The following CDH18 variants were observed in gnomAD, a reference collection of about 807,000 sequenced individuals.
CDH18 encodes cadherin-18.
Under a neutral mutation model 67.9 loss-of-function variants are expected in CDH18, and 31 were observed. That is an observed-to-expected ratio of 0.46 (90% CI 0.34 to 0.62). CDH18 has a LOEUF of 0.62. Among genes scored for constraint, CDH18 ranks in the 20% least tolerant of loss-of-function variants. The pLI is 0.01. For synonymous variants in CDH18, 362 were observed against 347.2 expected (o/e 1.04, Z -0.48); for missense variants, 890 against 975.5 (o/e 0.91, Z 1.17).
intron 3 of CDH18, among the ~76,000 whole-genome samples, chr5:19,827,352 A>G (rs1780518112): frequency 6.6e-6 from 1 of 151,636 alleles, no homozygotes; most frequent in African/African-American, 2.4e-5. Context: ...AACTTAAAAT[A>G]TTTGGGACCC....
At chr5:19,658,220 T>A (rs1463781011) in intron 5 of CDH18, among the ~76,000 whole-genome samples, 1 of 152,086 alleles carries the variant, frequency 6.6e-6, no homozygotes, top group Non-Finnish European at 1.5e-5. Context: ...ATATGTAACA[T>A]AAGAGCTAAA....
intron 1 of CDH18, among the ~76,000 whole-genome samples, chr5:20,328,572 A>G (rs538823016): frequency 1.3e-5 from 2 of 152,004 alleles, no homozygotes; most frequent in Non-Finnish European, 2.9e-5. Flanking sequence ...CTTTTAATAA[A>G]TTTAAAATAT....
chr5:19,477,238 G>A (rs1293076471), intron 12 of CDH18, among the ~76,000 whole-genome samples: 1 of 151,284 alleles, frequency 6.6e-6, no homozygotes, highest in Non-Finnish European at 1.5e-5. Flanking sequence ...GGCAAATGCA[G>A]ACATAGGATC....
intron 3 of CDH18, among the ~76,000 whole-genome samples, chr5:19,829,235 T>C (rs368592577): frequency 3.3e-5 from 5 of 152,098 alleles, no homozygotes; most frequent in East Asian, 3.9e-4. Flanking sequence ...GAGAAAGAAA[T>C]AAAAACCATC....
intron 1 of CDH18, among the ~76,000 whole-genome samples, chr5:20,510,935 T>C (rs1428568304): frequency 6.6e-6 from 1 of 152,190 alleles, no homozygotes; most frequent in African/African-American, 2.4e-5. Flanking sequence ...ATGTTGCCGA[T>C]AAATATGAGT....
chr5:20,231,563 G>C (rs1353897518), intron 2 of CDH18, among the ~76,000 whole-genome samples: 1 of 151,212 alleles, frequency 6.6e-6, no homozygotes, highest in Admixed American at 6.6e-5. Flanking sequence ...CGCACCATTG[G>C]CACTCCAGCC....
chr5:19,842,756 G>C (rs1782480562), intron 2 of CDH18, among the ~76,000 whole-genome samples: 1 of 152,102 alleles, frequency 6.6e-6, no homozygotes, highest in Non-Finnish European at 1.5e-5. Context: ...GGGAAAATTT[G>C]GAACTTCCTA....
intron 1 of CDH18, among the ~76,000 whole-genome samples, chr5:20,537,194 T>C (rs1252301548): frequency 6.6e-6 from 1 of 152,188 alleles, no homozygotes; most frequent in Non-Finnish European, 1.5e-5. Context: ...CATGCACATA[T>C]TTCCTGTTTA....
At chr5:19,484,945 C>T (rs1263333935) in intron 11 of CDH18, among the ~76,000 whole-genome samples, 1 of 152,034 alleles carries the variant, frequency 6.6e-6, no homozygotes, top group Non-Finnish European at 1.5e-5. Context: ...ACAATTAGGG[C>T]CTCTTTTTCT....
At chr5:19,980,619 C>A (rs1798939296) in intron 2 of CDH18, among the ~76,000 whole-genome samples, 1 of 152,132 alleles carries the variant, frequency 6.6e-6, no homozygotes, top group African/African-American at 2.4e-5. Flanking sequence ...CAGTTTCTCC[C>A]CATCTTTTGA....
chr5:19,822,713 C>T (rs144395904), intron 3 of CDH18, among the ~76,000 whole-genome samples: 96 of 152,140 alleles, frequency 6.3e-4, no homozygotes, highest in Non-Finnish European at 1.1e-3. Flanking sequence ...GGAGGCAGGG[C>T]GAGATCACAG....
At chr5:20,254,600 G>A (rs970515509) in intron 2 of CDH18, among the ~76,000 whole-genome samples, 1 of 152,158 alleles carries the variant, frequency 6.6e-6, no homozygotes, top group Non-Finnish European at 1.5e-5. Flanking sequence ...GAATGACACT[G>A]GCTACCACAC....
chr5:19,933,239 CCACCTACTTA>C (rs1793898133), intron 2 of CDH18, among the ~76,000 whole-genome samples: 1 of 151,408 alleles, frequency 6.6e-6, no homozygotes, highest in African/African-American at 2.4e-5. Flanking sequence ...CCACATTTGC[CCACCTACTTA>C]CACCTCCTCT....
chr5:20,556,033 T>G (rs978228335), intron 1 of CDH18, among the ~76,000 whole-genome samples: 1 of 152,208 alleles, frequency 6.6e-6, no homozygotes, highest in Non-Finnish European at 1.5e-5. Flanking sequence ...CTCTTTTGTT[T>G]CCTTTACATT....
chr5:19,570,918 T>A (rs1741274961), intron 8 of CDH18, among the ~76,000 whole-genome samples: 1 of 152,204 alleles, frequency 6.6e-6, no homozygotes, highest in African/African-American at 2.4e-5. Flanking sequence ...AGATTCCACA[T>A]GACTGAATGA....
chr5:20,525,633 C>G lies in CDH18; in HGVS notation c.-580+49829G>C, dbSNP rs577970253. On this transcript the variant is annotated intron_variant, in intron 1 of 14. Transcript: ENST00000507958. ...ATATATGACTCTTTAAATTAATTGA[C>G]CCTACTAAACTTAAATTGGTCATTT... 3.3e-4 allele frequency among the ~76,000 whole-genome samples: 50 copies of G among 152,192 alleles called. No homozygotes were observed. In the South Asian group the frequency reaches 4.6e-3, roughly 14 times the overall value.
chr5:20,359,892 T>A (rs937685477), intron 1 of CDH18, among the ~76,000 whole-genome samples: 1 of 151,804 alleles, frequency 6.6e-6, no homozygotes, highest in Admixed American at 6.6e-5. Context: ...TTATTATTAT[T>A]TATAACTTTA....
At chr5:20,455,420 T>A (rs1750769902) in intron 1 of CDH18, among the ~76,000 whole-genome samples, 1 of 152,088 alleles carries the variant, frequency 6.6e-6, no homozygotes, top group African/African-American at 2.4e-5. Flanking sequence ...ATTAGGTGAT[T>A]ATAAGGCTTT....
intron 1 of CDH18, among the ~76,000 whole-genome samples, chr5:20,308,399 C>T (rs1170527758): frequency 2.6e-5 from 4 of 151,740 alleles, no homozygotes; most frequent in East Asian, 1.9e-4. Flanking sequence ...AAAAATTAGC[C>T]GGGAGTGGCG....
Sources: gnomAD v4.1 joint callset for allele counts (sites outside exome capture counted in the v4.1 genomes callset) on GRCh38, gnomAD v4.1.1 for gene constraint, MANE v1.5 for transcripts, NCBI Gene and HGNC (gene_info 2026-07-23, HGNC 2026-07-21) for gene names.